Variants in COL28A1 observed in about 807,000 individuals in gnomAD.
COL28A1 encodes the protein collagen type XXVIII alpha 1 chain, also known as collagen alpha-1(XXVIII) chain.
In COL28A1, 161 loss-of-function variants were observed where a neutral mutation model predicts 150.2. That is an observed-to-expected ratio of 1.07 (90% CI 0.94 to 1.22). COL28A1 has a LOEUF of 1.22. Ranked by LOEUF, COL28A1 falls within the 50% of genes most tolerant of loss-of-function variation. COL28A1 has a pLI of 0.00. For missense variants in COL28A1, 1,617 were observed against 1,388.3 expected, an observed-to-expected ratio of 1.16 and a Z score of -2.62; for synonymous variants, 552 against 469.7, an observed-to-expected ratio of 1.18 and a Z score of -2.26.
chr7:7,444,697 A>G (rs938221326), intron 18 of COL28A1, among the ~76,000 whole-genome samples: 10 of 152,108 alleles, frequency 6.6e-5, no homozygotes, highest in African/African-American at 2.4e-4. Context: ...TGTGACCCCA[A>G]AAAGATATGT....
At chr7:7,446,127 G>A (rs1390907875) in intron 18 of COL28A1, among the ~76,000 whole-genome samples, 1 of 151,722 alleles carries the variant, frequency 6.6e-6, no homozygotes, top group Non-Finnish European at 1.5e-5. Flanking sequence ...CAAAGTGCTG[G>A]GATTACAGGT....
chr7:7,421,355 T>C (rs568872205), intron 25 of COL28A1, among the ~76,000 whole-genome samples: 46 of 152,290 alleles, frequency 3.0e-4, no homozygotes, highest in Non-Finnish European at 5.4e-4. Flanking sequence ...GGGATAAAAA[T>C]GACCTAAAAC....
intron 3 of COL28A1, among the ~76,000 whole-genome samples, chr7:7,527,181 C>A (rs1000923439): frequency 6.6e-6 from 1 of 152,184 alleles, no homozygotes; most frequent in African/African-American, 2.4e-5. Flanking sequence ...GAACCCAAAA[C>A]TACACAATAG....
At chr7:7,471,537 C>T (rs1393378285) in intron 15 of COL28A1, among the ~76,000 whole-genome samples, 1 of 152,138 alleles carries the variant, frequency 6.6e-6, no homozygotes, top group Non-Finnish European at 1.5e-5. Flanking sequence ...AAATGGGTTT[C>T]ATAACAGGGA....
intron 27 of COL28A1, among the ~76,000 whole-genome samples, chr7:7,398,759 C>G (rs1225164771): frequency 1.3e-5 from 2 of 152,162 alleles, no homozygotes; most frequent in Non-Finnish European, 2.9e-5. Flanking sequence ...ACAGGGTTGC[C>G]TTTATGACAG....
chr7:7,357,227 C>T (rs35690628), downstream of COL28A1: 93,393 of 151,926 alleles, frequency 0.61, 32,743 homozygotes, highest in East Asian at 0.87. Context: ...TTTTTGTATT[C>T]TTAGTAGAGA....
At position 7,452,326 on chromosome 7, in the gene COL28A1, C is replaced by T. The variant is rs773834841; in HGVS notation, c.1502G>A (p.Gly501Asp). 1 of 1,604,860 alleles carries T rather than the reference C, an allele frequency of 6.2e-7. No individual in the cohort carries two copies. Among genetic ancestry groups the T allele is most frequent in the South Asian group, 1.1e-5 (1 of 88,824 alleles). The change falls in exon 18 of 35, where the codon GGT becomes GAT. Residue 501 changes from glycine to aspartate, a missense_variant. Physicochemically the swap from Gly to Asp is moderately conservative, Grantham distance 94 (BLOSUM62 -1). Coordinates refer to ENST00000399429, the MANE Select transcript of COL28A1 (RefSeq NM_001037763.3). The part of the protein sequence containing the change: ...PRGPVGIGVQ[G>D]PKGEPGSIGL... ...GAGCAGCAGTCAACTCACCTTTGGA[C>T]CTTGTACTCCAATTCCCACTGGTCC... is the stretch of plus-strand genomic sequence containing the variant.
intron 13 of COL28A1, among the ~76,000 whole-genome samples, chr7:7,485,914 T>C (rs560674542): frequency 2.0e-5 from 3 of 152,280 alleles, no homozygotes; most frequent in African/African-American, 4.8e-5. Context: ...GTATTCTTTT[T>C]CAAGTTTTTT....
chr7:7,450,662 TCTAA>T (rs1367139520), intron 18 of COL28A1, among the ~76,000 whole-genome samples: 5 of 152,294 alleles, frequency 3.3e-5, no homozygotes, highest in African/African-American at 7.2e-5. Flanking sequence ...CCATTCTACC[TCTAA>T]CTGTCTATCT....
At chr7:7,447,443 A>T (rs1006095287) in intron 18 of COL28A1, among the ~76,000 whole-genome samples, 1 of 151,414 alleles carries the variant, frequency 6.6e-6, no homozygotes, top group Admixed American at 6.6e-5. Flanking sequence ...ATAATATTTA[A>T]TTTAAAAATA....
At chr7:7,414,302 A>T (rs1783947161) in intron 27 of COL28A1, among the ~76,000 whole-genome samples, 1 of 152,232 alleles carries the variant, frequency 6.6e-6, no homozygotes, top group Admixed American at 6.5e-5. Context: ...ACAAGATGGC[A>T]GCATCATATA....
Position 7,532,790 on chromosome 7 carries a change from G to T in COL28A1, c.86C>A (p.Pro29Gln). The change falls in exon 2 of 35, where the codon CCA becomes CAA. Residue 29 changes from proline to glutamine, a missense_variant. Pro to Gln is a moderately conservative substitution (Grantham distance 76). Transcript: ENST00000399429. ...TTTCCTTGCAAGCAAATTTGATTTT[G>T]GTCCTTTCTTTCTTTGTCCGGATAC... Reference protein sequence around the residue: ...QTVSGQRKKGPKSNLLARKSD... With the variant: ...QTVSGQRKKGQKSNLLARKSD... The T allele has an allele frequency of 1.9e-6, 3 of 1,609,084 alleles. No homozygotes were observed. Among genetic ancestry groups the T allele is most frequent in the Non-Finnish European group, 2.5e-6 (3 of 1,178,310 alleles).
At chr7:7,524,948 A>G (rs1781938331) in intron 3 of COL28A1, among the ~76,000 whole-genome samples, 1 of 152,240 alleles carries the variant, frequency 6.6e-6, no homozygotes, top group Non-Finnish European at 1.5e-5. Flanking sequence ...AAATTTAAAC[A>G]GTATTAGGAA....
At chr7:7,427,916 T>G (rs1784736058) in intron 25 of COL28A1, among the ~76,000 whole-genome samples, 1 of 152,188 alleles carries the variant, frequency 6.6e-6, no homozygotes, top group Non-Finnish European at 1.5e-5. Context: ...TAAGTCATGC[T>G]TTCTGCTCTG....
At chr7:7,519,967 A>T in intron 6 of COL28A1, 95 bp downstream of exon 6, 1 of 692,836 alleles carries the variant, frequency 1.4e-6, no homozygotes, top group African/African-American at 1.8e-5. Context: ...TTTTTGCCAT[A>T]TACTACAATG....
chr7:7,438,370 A>C (rs1411328694), intron 21 of COL28A1, among the ~76,000 whole-genome samples: 1 of 152,240 alleles, frequency 6.6e-6, no homozygotes, highest in Non-Finnish European at 1.5e-5. Flanking sequence ...AGCAACAGGT[A>C]ATTCTCCTGT....
At chr7:7,543,169 C>T in the COL28A1 span, among the ~76,000 whole-genome samples, 1 of 151,940 alleles carries the variant, frequency 6.6e-6, no homozygotes, top group African/African-American at 2.4e-5. Context: ...GATTTTTGGC[C>T]AAATTCTTAT....
At chr7:7,400,533 A>C (rs184398145) in intron 27 of COL28A1, among the ~76,000 whole-genome samples, 1 of 152,168 alleles carries the variant, frequency 6.6e-6, no homozygotes, top group Admixed American at 6.5e-5. Context: ...TGTAGAACGC[A>C]TTCTCATGTT....
intron 33 of COL28A1, 94 bp from the exon 34 acceptor site, chr7:7,360,622 A>C: frequency 9.2e-7 from 1 of 1,091,126 alleles, no homozygotes; most frequent in Non-Finnish European, 1.3e-6. Flanking sequence ...TAGTTCAGCC[A>C]TGCTGTGTTT....
Sources: allele counts gnomAD v4.1 joint callset (sites outside exome capture counted in the v4.1 genomes callset), GRCh38; gene constraint gnomAD v4.1.1; transcripts MANE v1.5; gene names NCBI Gene and HGNC (gene_info 2026-07-23, HGNC 2026-07-21).